Variants in TCF20 observed in about 807,000 individuals in gnomAD.
TCF20 encodes SPRE-binding protein.
Under a neutral mutation model 148.6 loss-of-function variants are expected in TCF20, and 3 were observed. The ratio of observed to expected loss-of-function variants is 0.02; its 90% confidence interval spans 0.01 to 0.05. The LOEUF is 0.05. Among genes scored for constraint, TCF20 ranks in the 10% least tolerant of loss-of-function variants. The pLI is 1.00. For missense variants in TCF20, 2,350 were observed against 2,429.3 expected (o/e 0.97, Z 0.69); for synonymous variants, 1,049 against 909.5 (o/e 1.15, Z -2.76).
chr22:42,188,286 T>C, intron 2 of TCF20, among the ~76,000 whole-genome samples: 1 of 23,510 alleles, frequency 4.3e-5, no homozygotes, highest in African/African-American at 1.1e-4. Context: ...AGAGTGAAAC[T>C]CCGTCTCAAA....
At chr22:42,209,545 T>C (rs1052005900) in intron 2 of TCF20, 106 bp downstream of exon 2, 1 of 1,347,142 alleles carries the variant, frequency 7.4e-7, no homozygotes, top group Non-Finnish European at 1.0e-6. Flanking sequence ...GCATAGGCAC[T>C]TTAATTTGGA....
chr22:42,199,897 A>G (rs1489272467), intron 2 of TCF20, among the ~76,000 whole-genome samples: 1 of 149,852 alleles, frequency 6.7e-6, no homozygotes, highest in Non-Finnish European at 1.5e-5. Flanking sequence ...TCCCCTTCCA[A>G]TTACATTTTA....
intron 1 of TCF20, among the ~76,000 whole-genome samples, chr22:42,277,898 T>C (rs1926815705): frequency 6.6e-6 from 1 of 152,198 alleles, no homozygotes; most frequent in Non-Finnish European, 1.5e-5. Context: ...TGACCTCTGG[T>C]CTTCAGCTTC....
chr22:42,269,431 C>G (rs1391710385), intron 1 of TCF20, among the ~76,000 whole-genome samples: 1 of 152,176 alleles, frequency 6.6e-6, no homozygotes, highest in African/African-American at 2.4e-5. Flanking sequence ...TAATCCCACC[C>G]ACAAGCAGAG....
Position 42,215,097 on chromosome 22 carries a change from G to A in TCF20, c.209C>T (p.Ala70Val), listed in dbSNP as rs1921585821. The A allele has an allele frequency of 6.2e-7, 1 of 1,614,014 alleles. No homozygotes were observed. Among genetic ancestry groups the A allele is most frequent in the African/African-American group, 1.3e-5 (1 of 74,920 alleles). ...ACCTTGATGGCCAGAGGTCTCGCTAGCCATCGCTGCCGCAGCAGCTGCTGC... is the reference window on the plus strand; with the variant it reads ...ACCTTGATGGCCAGAGGTCTCGCTAACCATCGCTGCCGCAGCAGCTGCTGC... ...RGAAAAAAAM[A>V]SETSGHQGYQ... The change falls in exon 2 of 6, where the codon GCT becomes GTT. Residue 70 changes from alanine (A) to valine (V), a missense_variant. Ala to Val is a moderately conservative substitution (Grantham distance 64). Transcript: ENST00000677622.
intron 1 of TCF20, among the ~76,000 whole-genome samples, chr22:42,233,868 G>A (rs569651741): frequency 1.3e-5 from 2 of 152,220 alleles, no homozygotes; most frequent in East Asian, 3.9e-4. Flanking sequence ...TCCAAAAAGT[G>A]GCTTTACATA....
chr22:42,331,301 C>T (rs536470340), intron 1 of TCF20, among the ~76,000 whole-genome samples: 24 of 152,336 alleles, frequency 1.6e-4, no homozygotes, highest in Admixed American at 6.5e-4. Flanking sequence ...CCAGTCCTGC[C>T]GCACGCCCTG....
At chr22:42,289,148 C>T (rs1738372565) in intron 1 of TCF20, among the ~76,000 whole-genome samples, 1 of 152,356 alleles carries the variant, frequency 6.6e-6, no homozygotes, top group Non-Finnish European at 1.5e-5. Context: ...GTCTCCACTG[C>T]TGCCCTAAGT....
At chr22:42,252,665 G>A (rs1394258186) in intron 1 of TCF20, among the ~76,000 whole-genome samples, 1 of 152,088 alleles carries the variant, frequency 6.6e-6, no homozygotes, top group Non-Finnish European at 1.5e-5. Flanking sequence ...TGGCCAGGAT[G>A]GTCTTAATTT....
rs2147015017 is a variant in TCF20 at position 42,279,814 on chromosome 22, T to TGAGC, written c.-37+4009_-37+4012dup. ...TGCTGAGGGGAGGAGGGAGAGTGAA[T>TGAGC]GAGCCACTGGGGGCCTCCGTGGCAA... On this transcript the variant is annotated intron_variant, in intron 1 of 5. Transcript: ENST00000359486. The surrounding 1 kb of genome is among the most constrained non-coding windows in gnomAD (Gnocchi z 4.3). Among the ~76,000 whole-genome samples the TGAGC allele has an allele frequency of 6.6e-6, 1 of 152,272 alleles. No homozygotes were observed. Among genetic ancestry groups the TGAGC allele is most frequent in the Admixed American group, 6.5e-5 (1 of 15,302 alleles).
chr22:42,185,561 T>A (rs1335172903), intron 2 of TCF20, among the ~76,000 whole-genome samples: 2 of 152,090 alleles, frequency 1.3e-5, no homozygotes, highest in African/African-American at 2.4e-5. Flanking sequence ...CTCCTACATC[T>A]AGGATGGAAG....
chr22:42,231,065 G>C (rs1923353594), intron 1 of TCF20, among the ~76,000 whole-genome samples: 1 of 152,058 alleles, frequency 6.6e-6, no homozygotes, highest in African/African-American at 2.4e-5. Flanking sequence ...GGGAGGCTAA[G>C]GCAGGAGAAT....
intron 1 of TCF20, among the ~76,000 whole-genome samples, chr22:42,247,574 G>T (rs1925029437): frequency 6.6e-6 from 1 of 152,248 alleles, no homozygotes; most frequent in East Asian, 1.9e-4. Context: ...TGTGGTTAGA[G>T]AGGCAGGGCA....
intron 2 of TCF20, among the ~76,000 whole-genome samples, chr22:42,186,398 T>C (rs916005550): frequency 1.8e-4 from 27 of 152,240 alleles, no homozygotes; most frequent in African/African-American, 5.8e-4. Flanking sequence ...TAGAAAGTTA[T>C]GTAATTATTA....
intron 1 of TCF20, among the ~76,000 whole-genome samples, chr22:42,231,858 G>A (rs2147279062): frequency 6.7e-6 from 1 of 149,402 alleles, no homozygotes; most frequent in Admixed American, 6.8e-5. Flanking sequence ...GAACCCGGGA[G>A]GCGGAGCTTG....
At chr22:42,245,389 AT>A (rs1006548741) in intron 1 of TCF20, among the ~76,000 whole-genome samples, 1 of 152,096 alleles carries the variant, frequency 6.6e-6, no homozygotes, top group African/African-American at 2.4e-5. Flanking sequence ...CTCCTGTCTC[AT>A]TCCCATGGCT....
intron 5 of TCF20, among the ~76,000 whole-genome samples, chr22:42,164,702 G>C (rs1482174785): frequency 6.6e-6 from 1 of 152,196 alleles, no homozygotes; most frequent in Non-Finnish European, 1.5e-5. Flanking sequence ...GTGATGCTAG[G>C]ATGGCTGCAA....
At chr22:42,331,433 T>G (rs1365875970) in intron 1 of TCF20, among the ~76,000 whole-genome samples, 2 of 152,218 alleles carry the variant, frequency 1.3e-5, no homozygotes, top group African/African-American at 4.8e-5. Flanking sequence ...CGAGAGAAAG[T>G]GACTTACCAA....
chr22:42,296,853 A>G (rs1182239112), intron 1 of TCF20, among the ~76,000 whole-genome samples: 1 of 152,264 alleles, frequency 6.6e-6, no homozygotes, highest in African/African-American at 2.4e-5. Context: ...ATGAGAAAGC[A>G]GCACGAGGAG....
Sources: gnomAD v4.1 joint callset for allele counts (sites outside exome capture counted in the v4.1 genomes callset) on GRCh38, gnomAD v4.1.1 for gene constraint, Gnocchi (gnomAD v3.1) non-coding constraint, MANE v1.5 for transcripts, NCBI Gene and HGNC (gene_info 2026-07-23, HGNC 2026-07-21) for gene names.